Variants in SLIT3 observed in about 807,000 individuals in gnomAD.
SLIT3 encodes slit homolog 3 protein.
SLIT3 carries 68 observed loss-of-function variants against 184.0 expected under a neutral mutation model. The observed-to-expected ratio is 0.37, with a 90% CI of 0.30 to 0.45. The LOEUF is 0.45. Ranked by LOEUF, SLIT3 falls within the 20% of genes least tolerant of loss-of-function variation. The pLI, the probability that SLIT3 is intolerant of heterozygous loss-of-function variation, is 1.00. For missense variants in SLIT3, 1,707 were observed against 2,026.0 expected, an observed-to-expected ratio of 0.84 and a Z score of 3.02; for synonymous variants, 831 against 828.6, an observed-to-expected ratio of 1.00 and a Z score of -0.05.
At chr5:168,695,552 T>C (rs1475385328) in intron 28 of SLIT3, among the ~76,000 whole-genome samples, 1 of 152,256 alleles carries the variant, frequency 6.6e-6, no homozygotes, top group African/African-American at 2.4e-5. Context: ...TACGCTACTT[T>C]GGTTGATCTC....
intron 1 of SLIT3, among the ~76,000 whole-genome samples, chr5:169,264,595 C>T (rs1299347880): frequency 6.6e-6 from 1 of 152,176 alleles, no homozygotes; most frequent in Non-Finnish European, 1.5e-5. Flanking sequence ...ATGCCACCCA[C>T]CCAGCTACCC....
In SLIT3 at chr5:168,806,447, T is replaced by A. The variant is rs1214866904; in HGVS notation, c.934A>T (p.Ile312Leu). ...GGGGTGTCAGACAGGTGCACTTACA[T>A]TTCGACGATGCCCTCCGGCAAGTTG... ...PANLPEGIVE[I>L]RLEQNSIKAI... is the part of the protein sequence containing the mutation. Residue 312 changes from isoleucine (I) to leucine (L), a missense_variant and splice_region_variant, in exon 9 of 36, where the codon ATA becomes TTA. By Grantham distance (5) the Ile-to-Leu change is conservative (BLOSUM62 2). Transcript: ENST00000519560. 2 of 1,614,066 alleles carry A rather than the reference T, an allele frequency of 1.2e-6. No individual in the cohort carries two copies. The highest frequency in any genetic ancestry group is 1.3e-5 in the African/African-American group (1 of 74,936).
intron 3 of SLIT3, among the ~76,000 whole-genome samples, chr5:169,238,507 A>G (rs1230385795): frequency 7.1e-6 from 1 of 141,472 alleles, no homozygotes; most frequent in African/African-American, 2.6e-5. Flanking sequence ...AGTGAAATAA[A>G]TTTCCCTGTA....
chr5:168,730,338 AAG>A (rs1448909138), intron 20 of SLIT3, among the ~76,000 whole-genome samples: 1 of 152,078 alleles, frequency 6.6e-6, no homozygotes, highest in African/African-American at 2.4e-5. Flanking sequence ...AAAATTAACA[AAG>A]AAACACTGGA....
chr5:168,892,601 C>T (rs761321934), intron 4 of SLIT3, among the ~76,000 whole-genome samples: 21 of 152,354 alleles, frequency 1.4e-4, no homozygotes, highest in East Asian at 1.9e-4. Context: ...TCCATTCATT[C>T]AGCCATTCCT....
At chr5:168,709,945 T>A (rs541787208) in intron 25 of SLIT3, 8 of 152,284 alleles carry the variant, frequency 5.3e-5, no homozygotes, top group African/African-American at 1.9e-4. Context: ...GTTATAACCC[T>A]TTTTGAAAAT....
chr5:169,205,929 T>C (rs1581053635), intron 3 of SLIT3, among the ~76,000 whole-genome samples: 1 of 152,202 alleles, frequency 6.6e-6, no homozygotes, highest in Middle Eastern at 3.4e-3. Context: ...TTCTGTGCAG[T>C]AGGGTGAGAG....
At chr5:169,116,058 A>G (rs1760651402) in intron 4 of SLIT3, among the ~76,000 whole-genome samples, 1 of 152,180 alleles carries the variant, frequency 6.6e-6, no homozygotes, top group Admixed American at 6.5e-5. Flanking sequence ...AAAGAGAAAG[A>G]GAGAGACTCC....
intron 4 of SLIT3, among the ~76,000 whole-genome samples, chr5:168,948,359 C>T (rs763754725): frequency 4.6e-5 from 7 of 152,214 alleles, no homozygotes; most frequent in Non-Finnish European, 7.4e-5. Flanking sequence ...GAAGAGGCTC[C>T]GTTGGAACAG....
At chr5:168,882,270 C>T (rs1156296948) in intron 5 of SLIT3, among the ~76,000 whole-genome samples, 2 of 152,142 alleles carry the variant, frequency 1.3e-5, no homozygotes, top group Non-Finnish European at 2.9e-5. Flanking sequence ...AGACCTTCTT[C>T]CCTACCCCTC....
At chr5:168,764,037 C>T (rs1174683225) in intron 14 of SLIT3, among the ~76,000 whole-genome samples, 3 of 152,204 alleles carry the variant, frequency 2.0e-5, no homozygotes, top group Non-Finnish European at 4.4e-5. Context: ...GCCTTGGCAA[C>T]TTACTAGTCT....
intron 4 of SLIT3, among the ~76,000 whole-genome samples, chr5:168,988,190 G>C (rs1008978358): frequency 1.3e-5 from 2 of 152,212 alleles, no homozygotes; most frequent in African/African-American, 4.8e-5. Context: ...TTTAAAACGG[G>C]AAGCCCTGTG....
chr5:169,077,069 C>T (rs1298892438), intron 4 of SLIT3, among the ~76,000 whole-genome samples: 2 of 152,116 alleles, frequency 1.3e-5, no homozygotes, highest in Non-Finnish European at 2.9e-5. Flanking sequence ...CTTCTGTCCC[C>T]CTGAGACAGC....
At chr5:169,008,905 C>T (rs1015225751) in intron 4 of SLIT3, among the ~76,000 whole-genome samples, 14 of 152,180 alleles carry the variant, frequency 9.2e-5, no homozygotes, top group Non-Finnish European at 1.9e-4. Flanking sequence ...CATAACCCCT[C>T]CAACTACCTC....
At chr5:168,955,089 G>A (rs1418841431) in intron 4 of SLIT3, among the ~76,000 whole-genome samples, 1 of 150,664 alleles carries the variant, frequency 6.6e-6, no homozygotes, top group Non-Finnish European at 1.5e-5. Flanking sequence ...TCCTGATGTT[G>A]GGGGGTGGTG....
intron 4 of SLIT3, among the ~76,000 whole-genome samples, chr5:169,049,304 G>T (rs1269923352): frequency 3.3e-5 from 5 of 152,100 alleles, no homozygotes; most frequent in Admixed American, 6.5e-5. Context: ...GTTCGACGTG[G>T]TGGGGGAGGG....
intron 4 of SLIT3, among the ~76,000 whole-genome samples, chr5:169,144,069 G>C (rs569412426): frequency 1.3e-5 from 2 of 152,340 alleles, no homozygotes; most frequent in Admixed American, 1.3e-4. Flanking sequence ...CCATGGTGTA[G>C]ATGAGACAAG....
At chr5:168,881,094 C>A (rs772618874) in intron 5 of SLIT3, among the ~76,000 whole-genome samples, 2 of 152,150 alleles carry the variant, frequency 1.3e-5, no homozygotes, top group African/African-American at 4.8e-5. Context: ...TGAATTCACT[C>A]CCCTTTCCTT....
intron 3 of SLIT3, among the ~76,000 whole-genome samples, chr5:169,243,307 C>T (rs1438099809): frequency 1.3e-5 from 2 of 152,124 alleles, no homozygotes; most frequent in East Asian, 1.9e-4. Context: ...TGTAGAAATG[C>T]TGAATATTTC....
Sources: allele counts gnomAD v4.1 joint callset (sites outside exome capture counted in the v4.1 genomes callset), GRCh38; gene constraint gnomAD v4.1.1; transcripts MANE v1.5; gene names NCBI Gene and HGNC (gene_info 2026-07-23, HGNC 2026-07-21).